Variants in LRRC4C observed in about 807,000 individuals in gnomAD.
LRRC4C encodes leucine rich repeat containing 4C, also known as leucine-rich repeat-containing protein 4C.
In LRRC4C, 5 loss-of-function variants were observed where a neutral mutation model predicts 33.6. The observed-to-expected ratio is 0.15, with a 90% CI of 0.08 to 0.31. LRRC4C has a LOEUF of 0.31. Among genes scored for constraint, LRRC4C ranks in the 10% least tolerant of loss-of-function variants. The pLI is 1.00. For synonymous variants in LRRC4C, 329 were observed against 302.0 expected, an observed-to-expected ratio of 1.09 and a Z score of -0.93; for missense variants, 560 against 796.7, an observed-to-expected ratio of 0.70 and a Z score of 3.58.
At chr11:40,334,813 C>G (rs1325206888) in intron 3 of LRRC4C, among the ~76,000 whole-genome samples, 1 of 152,026 alleles carries the variant, frequency 6.6e-6, no homozygotes, top group African/African-American at 2.4e-5. Context: ...TCCTTCTTCC[C>G]TCACTCCTGC....
chr11:40,574,191 A>G (rs1190450357), intron 3 of LRRC4C, among the ~76,000 whole-genome samples: 2 of 152,210 alleles, frequency 1.3e-5, no homozygotes, highest in African/African-American at 2.4e-5. Context: ...GACTCCTTCC[A>G]TCTTTATCTA....
intron 1 of LRRC4C, among the ~76,000 whole-genome samples, chr11:40,977,018 T>C (rs781701777): frequency 2.0e-4 from 30 of 152,096 alleles, no homozygotes; most frequent in Admixed American, 2.6e-4. Flanking sequence ...AGCTAGATGG[T>C]CCCATCTGGG....
intron 1 of LRRC4C, among the ~76,000 whole-genome samples, chr11:41,304,008 C>G (rs1591208037): frequency 1.3e-5 from 1 of 76,484 alleles, no homozygotes; most frequent in Non-Finnish European, 3.1e-5. Flanking sequence ...GGGGGGTCAG[C>G]CCCCCGCCCG....
intron 3 of LRRC4C, among the ~76,000 whole-genome samples, chr11:40,520,919 G>A (rs1955783514): frequency 6.6e-6 from 1 of 151,914 alleles, no homozygotes; most frequent in Admixed American, 6.6e-5. Context: ...TCAACCCAGG[G>A]ATATAGGTTA....
intron 2 of LRRC4C, among the ~76,000 whole-genome samples, chr11:40,712,206 G>C (rs1168951809): frequency 6.6e-6 from 1 of 152,096 alleles, no homozygotes; most frequent in Non-Finnish European, 1.5e-5. Context: ...GGTATCTTTT[G>C]AAAAGGAATG....
intron 1 of LRRC4C, among the ~76,000 whole-genome samples, chr11:41,029,133 A>G (rs1590288232): frequency 6.6e-6 from 1 of 151,900 alleles, no homozygotes. Flanking sequence ...AGTAGCTAAG[A>G]TATTTCCCAA....
At chr11:40,659,513 T>C (rs1201076846) in intron 2 of LRRC4C, among the ~76,000 whole-genome samples, 1 of 152,112 alleles carries the variant, frequency 6.6e-6, no homozygotes, top group Non-Finnish European at 1.5e-5. Flanking sequence ...TGGTTGCCCA[T>C]GGACCAATCA....
intron 1 of LRRC4C, among the ~76,000 whole-genome samples, chr11:40,963,486 A>T (rs76578355): frequency 0.03 from 4,514 of 151,862 alleles, 227 homozygotes; most frequent in African/African-American, 0.1. Flanking sequence ...TCACACATTA[A>T]GTAGAGGAGA....
At chr11:41,109,878 G>C (rs954860435) in intron 1 of LRRC4C, among the ~76,000 whole-genome samples, 5 of 151,928 alleles carry the variant, frequency 3.3e-5, no homozygotes, top group African/African-American at 1.2e-4. Flanking sequence ...CAACTTTAAG[G>C]TGTTTGGGTT....
chr11:40,933,055 TCA>T (rs1333831173), intron 2 of LRRC4C, among the ~76,000 whole-genome samples: 1 of 152,178 alleles, frequency 6.6e-6, no homozygotes, highest in Non-Finnish European at 1.5e-5. Flanking sequence ...TGGAGAGAAC[TCA>T]GTGACTGACT....
At chr11:40,281,013 A>C (rs1368561824) in intron 4 of LRRC4C, among the ~76,000 whole-genome samples, 1 of 152,156 alleles carries the variant, frequency 6.6e-6, no homozygotes, top group Admixed American at 6.6e-5. Flanking sequence ...CAGAGGGAGG[A>C]GAAAAGGGAT....
In LRRC4C at chr11:40,708,527, G is replaced by C. The variant is rs998292107; in HGVS notation, c.-406-60249C>G. ...TTTCCATGTAGTTGTGTGGTTTTGA[G>C]TGAGTTTCTTAATCCTGAGTTCTAA... is the stretch of plus-strand genomic sequence containing the variant. On this transcript the variant is annotated intron_variant, in intron 2 of 6. Coordinates refer to ENST00000528697, the MANE Select transcript of LRRC4C (RefSeq NM_001258419.2). Among the ~76,000 whole-genome samples the C allele has an allele frequency of 3.3e-5, 5 of 152,308 alleles. No individual in the cohort carries two copies. The East Asian group carries it at 9.6e-4, about 29-fold the overall frequency.
chr11:40,223,071 G>C (rs1864534554), intron 5 of LRRC4C, among the ~76,000 whole-genome samples: 1 of 152,076 alleles, frequency 6.6e-6, no homozygotes, highest in South Asian at 2.1e-4. Flanking sequence ...AAATAAAAAA[G>C]GTTAGAAATA....
intron 1 of LRRC4C, among the ~76,000 whole-genome samples, chr11:41,347,330 A>C (rs1951836398): frequency 6.6e-6 from 1 of 152,190 alleles, no homozygotes; most frequent in Non-Finnish European, 1.5e-5. Flanking sequence ...TTGCTAAGTT[A>C]ATACAGGCAT....
intron 1 of LRRC4C, among the ~76,000 whole-genome samples, chr11:41,131,089 A>G (rs1391158333): frequency 6.6e-6 from 1 of 152,058 alleles, no homozygotes; most frequent in African/African-American, 2.4e-5. Flanking sequence ...AGAGGCAGAA[A>G]TGCACAAACA....
At chr11:40,398,831 C>T (rs1949646024) in intron 3 of LRRC4C, among the ~76,000 whole-genome samples, 1 of 152,010 alleles carries the variant, frequency 6.6e-6, no homozygotes, top group South Asian at 2.1e-4. Flanking sequence ...TACTAATAAG[C>T]CATCTTAACG....
chr11:41,224,588 C>A (rs1346700718), intron 1 of LRRC4C, among the ~76,000 whole-genome samples: 1 of 152,136 alleles, frequency 6.6e-6, no homozygotes, highest in Non-Finnish European at 1.5e-5. Flanking sequence ...TTAGAAAAGA[C>A]ATTTGATCCA....
In LRRC4C at chr11:41,268,283, C is replaced by T. The variant is rs145180325; in HGVS notation, c.-496+191148G>A. The stretch of plus-strand genomic sequence containing the variant: ...ATCACTGCTTAGAAGTAGATCATTC[C>T]CTAGTTGAACCTTAAATGAGATCTA... On this transcript the variant is annotated intron_variant, in intron 1 of 6. Coordinates refer to ENST00000528697, the MANE Select transcript of LRRC4C (RefSeq NM_001258419.2). Among the ~76,000 whole-genome samples the T allele has an allele frequency of 1.0e-3, 159 of 152,110 alleles. 1 individual carries two copies. Among genetic ancestry groups the T allele is most frequent in the Non-Finnish European group, 1.3e-3 (87 of 67,986 alleles).
intron 5 of LRRC4C, among the ~76,000 whole-genome samples, chr11:40,160,015 G>T (rs1381625023): frequency 3.3e-5 from 5 of 152,128 alleles, no homozygotes; most frequent in Non-Finnish European, 5.9e-5. Context: ...GTTATTACAT[G>T]AATAACAGAA....
Sources: allele counts gnomAD v4.1 joint callset (sites outside exome capture counted in the v4.1 genomes callset), GRCh38; gene constraint gnomAD v4.1.1; transcripts MANE v1.5; gene names NCBI Gene and HGNC (gene_info 2026-07-23, HGNC 2026-07-21).